TMEM184B: variants seen among roughly 807,000 people sequenced by gnomAD.
TMEM184B encodes putative MAPK-activating protein FM08.
A neutral mutation model predicts 41.8 loss-of-function variants in TMEM184B; 17 were observed. The ratio of observed to expected loss-of-function variants is 0.41; its 90% CI spans 0.28 to 0.61. TMEM184B has a LOEUF of 0.61. TMEM184B is among the 20% of genes least tolerant of loss of function. The probability of loss-of-function intolerance (pLI) is 0.34; values close to 1 mark genes in which losing one functional copy is unlikely to be tolerated. For synonymous variants in TMEM184B, 240 were observed against 229.5 expected, an observed-to-expected ratio of 1.05 and a Z score of -0.41; for missense variants, 393 against 557.8, an observed-to-expected ratio of 0.70 and a Z score of 2.98.
chr22:38,265,948 A>G (rs1455880378), intron 1 of TMEM184B, among the ~76,000 whole-genome samples: 5 of 152,236 alleles, frequency 3.3e-5, no homozygotes, highest in Non-Finnish European at 7.3e-5. Flanking sequence ...GCCACTTGCC[A>G]GCAGGAGAGG....
chr22:38,234,371 C>T (rs1440833270), intron 3 of TMEM184B, among the ~76,000 whole-genome samples: 1 of 152,192 alleles, frequency 6.6e-6, no homozygotes, highest in Non-Finnish European at 1.5e-5. Flanking sequence ...GCATCAACTG[C>T]CAGGCACACA....
intron 3 of TMEM184B, among the ~76,000 whole-genome samples, chr22:38,244,653 TC>T (rs893033148): frequency 1.1e-4 from 17 of 152,230 alleles, no homozygotes; most frequent in African/African-American, 4.1e-4. Context: ...ACGGGGTTTC[TC>T]CATGTTGGTC....
chr22:38,249,761 G>A (rs2092121741), intron 1 of TMEM184B, among the ~76,000 whole-genome samples: 2 of 152,222 alleles, frequency 1.3e-5, no homozygotes, highest in Non-Finnish European at 2.9e-5. Context: ...TAAGGCAGGA[G>A]CCTGGCTGCA....
At position 38,266,847 on chromosome 22, in the gene TMEM184B, GC is replaced by G. The variant is rs548020834; in HGVS notation, c.-59+6036del. 2.5e-3 allele frequency among the ~76,000 whole-genome samples: 385 copies of G among 152,340 alleles called. 2 individuals carry two copies. The highest frequency in any genetic ancestry group is 4.0e-3 in the Non-Finnish European group (272 of 68,036). On this transcript the variant is annotated intron_variant, in intron 1 of 8. Coordinates refer to ENST00000361906, the MANE Select transcript of TMEM184B (RefSeq NM_012264.5). ...GCCTGTAATCCCAGCACTTTGGGAG[GC>G]CGAGGCGGGTGGATCAAGAGGTCAG...
rs540708796 is a variant in TMEM184B, at chr22:38,226,805, G to A, written c.591C>T (p.Phe197=). Residue 197 remains phenylalanine, a synonymous_variant, in exon 6 of 9, where the codon TTC becomes TTT. Coordinates refer to ENST00000361906, the MANE Select transcript of TMEM184B (RefSeq NM_012264.5). The surrounding 1 kb of genome is among the most constrained non-coding windows in gnomAD (Gnocchi z 4.6). ...MAVSTVVLQA[F]GKYRDGDFDV... is the part of the protein sequence containing the mutation. ...CAAAGTCCCCATCCCGGTACTTGCC[G>A]AAGGCCTGGAGGACCACAGTGCTGA... is the stretch of plus-strand genomic sequence containing the variant. 6.0e-5 allele frequency: 97 copies of A among 1,605,108 alleles called. No individual in the cohort carries two copies. The highest frequency in any genetic ancestry group is 4.9e-4 in the South Asian group (44 of 89,232).
At chr22:38,269,784 C>T (rs542211824) in intron 1 of TMEM184B, among the ~76,000 whole-genome samples, 41 of 152,216 alleles carry the variant, frequency 2.7e-4, no homozygotes, top group Middle Eastern at 3.4e-3. Context: ...CAACAGTGGG[C>T]TCCAGAACCT....
At chr22:38,251,136 C>T (rs57778897) in intron 1 of TMEM184B, among the ~76,000 whole-genome samples, 7,570 of 152,232 alleles carry the variant, frequency 0.05, 656 homozygotes, top group African/African-American at 0.17. Context: ...GGCAGGTCCC[C>T]CAGGGTGGAG....
Position 38,225,423 on chromosome 22 carries a change from C to A in TMEM184B, c.787+1G>T. Reference sequence around the variant, plus strand: ...CCTCCAGGTGCTGGGAGGGGGCTCACCTTGCCAGAAGGAAAGAAAGATGAC... The same window carrying A: ...CCTCCAGGTGCTGGGAGGGGGCTCAACTTGCCAGAAGGAAAGAAAGATGAC... On this transcript the variant is annotated splice_donor_variant, in intron 7 of 8. Coordinates refer to ENST00000361906, the MANE Select transcript of TMEM184B (RefSeq NM_012264.5). LOFTEE classifies it high-confidence loss of function. The surrounding 1 kb of genome is among the most constrained non-coding windows in gnomAD (Gnocchi z 4.4). 2 of 1,559,438 alleles carry A rather than the reference C, an allele frequency of 1.3e-6. No homozygotes were observed. Among genetic ancestry groups the A allele is most frequent in the Admixed American group, 2.0e-5 (1 of 49,526 alleles).
At chr22:38,224,399 C>T (rs1360455012) in intron 8 of TMEM184B, among the ~76,000 whole-genome samples, 2 of 152,234 alleles carry the variant, frequency 1.3e-5, no homozygotes, top group East Asian at 1.9e-4. Context: ...TAGGCGTGAG[C>T]CACCGTGCCC....
In TMEM184B at chr22:38,226,844, C is replaced by T. The variant is rs1191977607; in HGVS notation, c.552G>A (p.Lys184=). The stretch of plus-strand genomic sequence containing the variant: ...CCACAGTGCTGACCGCCATGAGTGG[C>T]TTCACCACACAGAACTGCAGGGTGG... The part of the protein sequence containing the change: ...KQATLQFCVV[K]PLMAVSTVVL... The change falls in exon 6 of 9, where the codon AAG becomes AAA. Residue 184 remains lysine (K), a synonymous_variant. Coordinates refer to ENST00000361906, the MANE Select transcript of TMEM184B (RefSeq NM_012264.5). The surrounding 1 kb of genome is among the most constrained non-coding windows in gnomAD (Gnocchi z 4.6). 8.1e-6 allele frequency: 13 copies of T among 1,601,060 alleles called. No homozygotes were observed. Among genetic ancestry groups the T allele is most frequent in the Non-Finnish European group, 1.1e-5 (13 of 1,173,980 alleles).
At chr22:38,249,152 T>C (rs1035207794) in intron 1 of TMEM184B, among the ~76,000 whole-genome samples, 3 of 152,116 alleles carry the variant, frequency 2.0e-5, no homozygotes, top group Non-Finnish European at 4.4e-5. Flanking sequence ...ATACTTAACT[T>C]GATTATTATT....
chr22:38,253,023 T>C (rs2092202668), intron 1 of TMEM184B, among the ~76,000 whole-genome samples: 1 of 152,018 alleles, frequency 6.6e-6, no homozygotes, highest in African/African-American at 2.4e-5. Flanking sequence ...GCGCCTGTAG[T>C]CCCAGCTACT....
intron 1 of TMEM184B, among the ~76,000 whole-genome samples, chr22:38,250,956 C>A: frequency 6.6e-6 from 1 of 152,252 alleles, no homozygotes; most frequent in East Asian, 1.9e-4. Context: ...AGTGACTTAC[C>A]CCCAAATCAG....
At chr22:38,227,797 G>C (rs2091488704) in intron 5 of TMEM184B, among the ~76,000 whole-genome samples, 1 of 152,190 alleles carries the variant, frequency 6.6e-6, no homozygotes, top group Non-Finnish European at 1.5e-5. Flanking sequence ...TCCCGCCTCT[G>C]TACATGCACT....
rs541592486 is a variant in TMEM184B at position 38,271,866 on chromosome 22, G to A, written c.-59+1018C>T. On this transcript the variant is annotated intron_variant, in intron 1 of 8. Transcript: ENST00000361906. ...ACCAAGGAAGCTAAATAGGTAGATG[G>A]AAAGGGACACTGTAGGCATAACCTG... Among the ~76,000 whole-genome samples the A allele has an allele frequency of 4.7e-4, 71 of 152,316 alleles. 1 individual carries two copies. In the South Asian group the frequency reaches 0.014, roughly 31 times the overall value.
intron 2 of TMEM184B, 112 bp from the exon 3 acceptor site, chr22:38,246,212 T>C (rs1348196435): frequency 3.8e-6 from 5 of 1,324,014 alleles, no homozygotes; most frequent in Non-Finnish European, 5.1e-6. Context: ...GCACGTGACC[T>C]ACCCCTGAGC....
chr22:38,225,488 G>A lies in TMEM184B; in HGVS notation c.723C>T (p.Ser241=), dbSNP rs2091406191. 2 of 1,596,472 alleles carry A rather than the reference G, an allele frequency of 1.3e-6. No homozygotes were observed. The highest frequency in any genetic ancestry group is 1.7e-6 in the Non-Finnish European group (2 of 1,174,130). The change falls in exon 7 of 9, where the codon AGC becomes AGT. Residue 241 remains serine, a synonymous_variant. Coordinates refer to ENST00000361906, the MANE Select transcript of TMEM184B (RefSeq NM_012264.5). The surrounding 1 kb of genome is among the most constrained non-coding windows in gnomAD (Gnocchi z 4.4). ...AGAACTTGAGGACGGGGCTGTAGGG[G>A]CTGAGCAGCTCCCGGGTGGCGAAGT... ...LFYFATRELL[S]PYSPVLKFFM... is the part of the protein sequence containing the mutation.
chr22:38,244,291 C>T (rs921986200), intron 3 of TMEM184B, among the ~76,000 whole-genome samples: 1 of 152,024 alleles, frequency 6.6e-6, no homozygotes, highest in Non-Finnish European at 1.5e-5. Context: ...CCTGGGGCAG[C>T]ACCCTCCCAG....
chr22:38,272,348 CCCA>C (rs2092537295), intron 1 of TMEM184B, among the ~76,000 whole-genome samples: 1 of 152,146 alleles, frequency 6.6e-6, no homozygotes, highest in South Asian at 2.1e-4. Flanking sequence ...TCTTTCGAGC[CCCA>C]GGTCCCAGTC....
Sources: allele counts gnomAD v4.1 joint callset (sites outside exome capture counted in the v4.1 genomes callset), GRCh38; gene constraint gnomAD v4.1.1; non-coding constraint Gnocchi (gnomAD v3.1); transcripts MANE v1.5; gene names NCBI Gene and HGNC (gene_info 2026-07-23, HGNC 2026-07-21).